Variants in MGMT observed in about 807,000 individuals in gnomAD.
The protein encoded by MGMT is O-6-methylguanine-DNA methyltransferase.
MGMT carries 14 observed loss-of-function variants against 15.9 expected under a neutral mutation model. That is an observed-to-expected ratio of 0.88 (90% confidence interval 0.58 to 1.37). MGMT has a LOEUF of 1.37. Ranked by LOEUF, MGMT falls within the 40% of genes most tolerant of loss-of-function variation. The probability of loss-of-function intolerance (pLI) is 0.00; values close to 1 mark genes in which losing one functional copy is unlikely to be tolerated. For missense variants in MGMT, 282 were observed against 268.1 expected (o/e 1.05, Z -0.36); for synonymous variants, 130 against 118.2 (o/e 1.10, Z -0.65).
At position 129,770,141 on chromosome 10, in the gene MGMT, G is replaced by T. The variant is rs1028685109; in HGVS notation, c.*3144G>T. Among the ~76,000 whole-genome samples, 1 of 152,158 alleles carries T rather than the reference G, an allele frequency of 6.6e-6. No homozygotes were observed. The highest frequency in any genetic ancestry group is 1.5e-5 in the Non-Finnish European group (1 of 68,022). ...GCCCCACGTGCTTCTCCAGAATCCC[G>T]TTTGGAGGGGCCAAGCAAGTCCAAT... On this transcript the variant is annotated 3_prime_UTR_variant, in exon 5 of 5. Transcript: ENST00000651593.
intron 2 of MGMT, among the ~76,000 whole-genome samples, chr10:129,595,789 G>A (rs1281002562): frequency 3.3e-5 from 5 of 152,130 alleles, no homozygotes; most frequent in Admixed American, 3.3e-4. Flanking sequence ...GTAGAAATGA[G>A]AGTCATCTGG....
intron 1 of MGMT, among the ~76,000 whole-genome samples, chr10:129,530,864 C>A (rs949725922): frequency 5.9e-5 from 9 of 152,200 alleles, no homozygotes; most frequent in Non-Finnish European, 8.8e-5. Context: ...GGGGGCCCCT[C>A]CCCATAGTTC....
chr10:129,626,530 C>T (rs574948278), intron 2 of MGMT, among the ~76,000 whole-genome samples: 3 of 152,272 alleles, frequency 2.0e-5, no homozygotes, highest in East Asian at 3.9e-4. Context: ...TGCCTGCTGC[C>T]GCCTACCTGC....
intron 3 of MGMT, among the ~76,000 whole-genome samples, chr10:129,712,125 G>A (rs974312105): frequency 1.3e-5 from 2 of 152,098 alleles, no homozygotes; most frequent in Non-Finnish European, 2.9e-5. Flanking sequence ...ATCTGGGCAC[G>A]TCCTCAGGTC....
At chr10:129,522,601 C>T (rs527246948) in intron 1 of MGMT, among the ~76,000 whole-genome samples, 8 of 152,362 alleles carry the variant, frequency 5.3e-5, no homozygotes, top group East Asian at 1.9e-4. Context: ...AAAAACCACA[C>T]GTTCTGAATG....
intron 4 of MGMT, 57 bp downstream of exon 4, chr10:129,759,398 G>A: frequency 1.9e-6 from 3 of 1,610,308 alleles, no homozygotes; most frequent in South Asian, 2.2e-5. Context: ...AGGTGGCAGG[G>A]TGTCATCTGA....
intron 2 of MGMT, among the ~76,000 whole-genome samples, chr10:129,559,369 G>A (rs892177291): frequency 2.0e-5 from 3 of 152,140 alleles, no homozygotes; most frequent in African/African-American, 4.8e-5. Flanking sequence ...ACTAGTTTGG[G>A]CCCTTGAGGG....
At chr10:129,567,014 G>T (rs546382845) in intron 2 of MGMT, among the ~76,000 whole-genome samples, 2 of 152,266 alleles carry the variant, frequency 1.3e-5, no homozygotes, top group East Asian at 3.9e-4. Context: ...TCACCGGAGT[G>T]TGCGTCTTGA....
rs76245721 is a variant in MGMT, at chr10:129,570,427, C to T, written c.125+34050C>T. ...GCCAGCCCACCTGGGCCTCCGGCCA[C>T]GGTCTGTGCCCACGTGTCACGAGGC... On this transcript the variant is annotated intron_variant, in intron 2 of 4. Transcript: ENST00000651593. Among the ~76,000 whole-genome samples, 13 of 152,382 alleles carry T rather than the reference C, an allele frequency of 8.5e-5. No homozygotes were observed. The East Asian group carries it at 2.3e-3, about 27-fold the overall frequency.
intron 2 of MGMT, 33 bp from the exon 3 acceptor site, chr10:129,707,862 A>G (rs529046677): frequency 1.2e-6 from 2 of 1,607,618 alleles, no homozygotes; most frequent in East Asian, 2.2e-5. Flanking sequence ...CAGGGCCCAG[A>G]GGTTTACTAA....
intron 2 of MGMT, among the ~76,000 whole-genome samples, chr10:129,641,127 C>G (rs1354607247): frequency 1.3e-5 from 2 of 152,198 alleles, no homozygotes; most frequent in Non-Finnish European, 2.9e-5. Flanking sequence ...TTCCCAAAAA[C>G]CTACAAAACT....
Position 129,533,339 on chromosome 10 carries a change from C to T in MGMT, c.-12-2902C>T, listed in dbSNP as rs1249416477. ...TTTCTGACACCTGCTGTTAAGAGTGCTACCTGATGCAGGTGCTCGGGGCTG... is the reference window on the plus strand; with the variant it reads ...TTTCTGACACCTGCTGTTAAGAGTGTTACCTGATGCAGGTGCTCGGGGCTG... On this transcript the variant is annotated intron_variant, in intron 1 of 4. Coordinates refer to ENST00000651593, the MANE Select transcript of MGMT (RefSeq NM_002412.5). This position sits in a 1 kb window ranked among gnomAD's most constrained non-coding sequence, Gnocchi z 4.5. Among the ~76,000 whole-genome samples, 2 of 152,236 alleles carry T rather than the reference C, an allele frequency of 1.3e-5. No individual in the cohort carries two copies. The highest frequency in any genetic ancestry group is 2.9e-5 in the Non-Finnish European group (2 of 68,048).
intron 2 of MGMT, among the ~76,000 whole-genome samples, chr10:129,576,792 G>A (rs1464812512): frequency 3.9e-5 from 6 of 152,118 alleles, no homozygotes; most frequent in East Asian, 3.9e-4. Context: ...AAACCCCATC[G>A]TCTCATCCCA....
chr10:129,477,957 G>A (rs994867410), intron 1 of MGMT, among the ~76,000 whole-genome samples: 26 of 152,126 alleles, frequency 1.7e-4, no homozygotes, highest in African/African-American at 5.3e-4. Flanking sequence ...TGAGTGTATT[G>A]CAGTAAAAAA....
intron 2 of MGMT, among the ~76,000 whole-genome samples, chr10:129,677,642 C>T (rs1412171849): frequency 6.6e-6 from 1 of 152,254 alleles, no homozygotes; most frequent in Non-Finnish European, 1.5e-5. Context: ...TCAACACCTG[C>T]CTGCCTCCTC....
intron 3 of MGMT, among the ~76,000 whole-genome samples, chr10:129,743,182 C>A (rs181463905): frequency 5.6e-4 from 86 of 152,328 alleles, no homozygotes; most frequent in African/African-American, 1.6e-3. Flanking sequence ...CAAACTGCTA[C>A]CCATCCAAGA....
At chr10:129,514,389 A>G (rs998368795) in intron 1 of MGMT, among the ~76,000 whole-genome samples, 3 of 152,218 alleles carry the variant, frequency 2.0e-5, no homozygotes, top group South Asian at 4.1e-4. Flanking sequence ...TTATTGAAAC[A>G]TAGATTCCAT....
chr10:129,740,491 C>G (rs559090320), intron 3 of MGMT, among the ~76,000 whole-genome samples: 1 of 152,304 alleles, frequency 6.6e-6, no homozygotes, highest in East Asian at 1.9e-4. Context: ...GAAAATCAGT[C>G]CTTAAAATCT....
chr10:129,529,897 C>CTT (rs76739297), intron 1 of MGMT, among the ~76,000 whole-genome samples: 11 of 150,426 alleles, frequency 7.3e-5, no homozygotes, highest in African/African-American at 2.4e-4. Flanking sequence ...TTTCTTTTTC[C>CTT]TTTTTTTTCT....
Sources: allele counts gnomAD v4.1 joint callset (sites outside exome capture counted in the v4.1 genomes callset), GRCh38; gene constraint gnomAD v4.1.1; non-coding constraint Gnocchi (gnomAD v3.1); transcripts MANE v1.5; gene names NCBI Gene and HGNC (gene_info 2026-07-23, HGNC 2026-07-21).